The following CCDC91 variants were observed in gnomAD, a reference collection of about 807,000 sequenced individuals.
CCDC91 encodes the protein coiled-coil domain-containing protein 91.
CCDC91 carries 48 observed loss-of-function variants against 63.2 expected under a neutral mutation model. That is an observed-to-expected ratio of 0.76 (90% confidence interval 0.60 to 0.97). The LOEUF is 0.97. CCDC91 is among the 50% of genes least tolerant of loss of function. The pLI is 0.00. For synonymous variants in CCDC91, 167 were observed against 165.8 expected (o/e 1.01, Z -0.06); for missense variants, 500 against 494.6 (o/e 1.01, Z -0.10).
intron 11 of CCDC91, among the ~76,000 whole-genome samples, chr12:28,471,758 C>CT (rs375850875): frequency 4.7e-5 from 7 of 149,354 alleles, no homozygotes; most frequent in Admixed American, 6.7e-5. Flanking sequence ...TTTTCTCTCT[C>CT]TTTTTTTTTG....
chr12:28,400,716 T>A (rs1946568860), intron 8 of CCDC91, among the ~76,000 whole-genome samples: 1 of 152,170 alleles, frequency 6.6e-6, no homozygotes, highest in South Asian at 2.1e-4. Context: ...CTTAGAAATT[T>A]CTTCCACTAG....
At chr12:28,407,761 T>G (rs1426567078) in intron 8 of CCDC91, among the ~76,000 whole-genome samples, 2 of 152,052 alleles carry the variant, frequency 1.3e-5, no homozygotes, top group Non-Finnish European at 2.9e-5. Flanking sequence ...TTCCTTAATT[T>G]CCCTCAGCAG....
intron 7 of CCDC91, among the ~76,000 whole-genome samples, chr12:28,378,619 T>A (rs1945092311): frequency 6.6e-6 from 1 of 152,150 alleles, no homozygotes; most frequent in African/African-American, 2.4e-5. Context: ...TTTATTTGAA[T>A]TCCACCATTT....
intron 3 of CCDC91, among the ~76,000 whole-genome samples, chr12:28,267,978 AC>A (rs1354976465): frequency 2.6e-5 from 3 of 115,664 alleles, no homozygotes; most frequent in East Asian, 4.4e-4. Context: ...ATTAATATAT[AC>A]CCAATCTTAA....
At chr12:28,235,651 G>A (rs1944897761) in intron 1 of CCDC91, among the ~76,000 whole-genome samples, 1 of 151,590 alleles carries the variant, frequency 6.6e-6, no homozygotes, top group Non-Finnish European at 1.5e-5. Flanking sequence ...ATGAATTTGA[G>A]TTACAATCTT....
intron 6 of CCDC91, among the ~76,000 whole-genome samples, chr12:28,336,313 A>G (rs1181741466): frequency 3.3e-5 from 5 of 152,176 alleles, no homozygotes; most frequent in Admixed American, 3.3e-4. Context: ...TACTCTAATC[A>G]GAATAATAAT....
chr12:28,397,333 A>T (rs1166314719), intron 8 of CCDC91, among the ~76,000 whole-genome samples: 1 of 152,228 alleles, frequency 6.6e-6, no homozygotes, highest in African/African-American at 2.4e-5. Context: ...GTAAAGAAAC[A>T]GATGACAAGT....
intron 3 of CCDC91, among the ~76,000 whole-genome samples, chr12:28,299,038 GAT>G: frequency 6.6e-6 from 1 of 151,684 alleles, no homozygotes; most frequent in South Asian, 2.1e-4. Flanking sequence ...GAAACTTTCT[GAT>G]ATATATTTTT....
chr12:28,530,024 T>A (rs1429616640), intron 12 of CCDC91, among the ~76,000 whole-genome samples: 1 of 152,182 alleles, frequency 6.6e-6, no homozygotes, highest in Non-Finnish European at 1.5e-5. Flanking sequence ...AATTAGAAAC[T>A]GTGACAGATT....
At chr12:28,339,564 A>G (rs984696985) in intron 6 of CCDC91, among the ~76,000 whole-genome samples, 1 of 152,140 alleles carries the variant, frequency 6.6e-6, no homozygotes, top group African/African-American at 2.4e-5. Flanking sequence ...TAGATAAAAA[A>G]TACAATATAA....
At chr12:28,335,460 C>T (rs1223021236) in intron 6 of CCDC91, among the ~76,000 whole-genome samples, 9 of 148,306 alleles carry the variant, frequency 6.1e-5, no homozygotes, top group East Asian at 2.0e-4. Flanking sequence ...TCTGCTGGAG[C>T]GCAATGGTGT....
At chr12:28,307,531 T>C (rs574273285) in intron 5 of CCDC91, 114 bp from the exon 6 acceptor site, 1 of 582,934 alleles carries the variant, frequency 1.7e-6, no homozygotes, top group Non-Finnish European at 3.0e-6. Flanking sequence ...TTTTAAGCCG[T>C]ACTTCCCATG....
intron 12 of CCDC91, among the ~76,000 whole-genome samples, chr12:28,504,764 C>T (rs1361994751): frequency 5.0e-4 from 76 of 152,012 alleles, no homozygotes; most frequent in Admixed American, 4.9e-3. Flanking sequence ...AATATTCTTA[C>T]GCATCTGTTT....
intron 8 of CCDC91, among the ~76,000 whole-genome samples, chr12:28,433,049 T>C (rs749732154): frequency 6.6e-6 from 1 of 152,080 alleles, no homozygotes; most frequent in African/African-American, 2.4e-5. Context: ...TTTACCCATT[T>C]TTTTTTAAGT....
At chr12:28,405,205 C>T (rs1381095646) in intron 8 of CCDC91, among the ~76,000 whole-genome samples, 1 of 151,860 alleles carries the variant, frequency 6.6e-6, no homozygotes, top group African/African-American at 2.4e-5. Context: ...AGTGGTTGCC[C>T]TAAAGTTCAC....
intron 3 of CCDC91, among the ~76,000 whole-genome samples, chr12:28,291,968 T>C (rs548633449): frequency 1.3e-5 from 2 of 152,340 alleles, no homozygotes; most frequent in African/African-American, 2.4e-5. Flanking sequence ...GCAAAACTTC[T>C]TGAACCACCA....
chr12:28,452,420 A>T, intron 10 of CCDC91, 58 bp from the exon 11 acceptor site: 3 of 1,173,526 alleles, frequency 2.6e-6, no homozygotes, highest in Non-Finnish European at 3.6e-6. Context: ...CAAGTCTGTT[A>T]CTCAAGAAAT....
At chr12:28,493,220 G>A (rs1031410499) in intron 12 of CCDC91, among the ~76,000 whole-genome samples, 3 of 151,584 alleles carry the variant, frequency 2.0e-5, no homozygotes, top group Admixed American at 6.6e-5. Context: ...AAATCAGTAC[G>A]AGGGTCAAGA....
intron 12 of CCDC91, among the ~76,000 whole-genome samples, chr12:28,547,325 C>T (rs1702908260): frequency 6.6e-6 from 1 of 151,998 alleles, no homozygotes; most frequent in Admixed American, 6.6e-5. Context: ...TGACTTTAAT[C>T]TCCCATGTAT....
Sources: allele counts gnomAD v4.1 joint callset (sites outside exome capture counted in the v4.1 genomes callset), GRCh38; gene constraint gnomAD v4.1.1; transcripts MANE v1.5; gene names NCBI Gene and HGNC (gene_info 2026-07-23, HGNC 2026-07-21).